The following TAF2 variants were observed in gnomAD, a reference collection of about 807,000 sequenced individuals.
TAF2 encodes TATA-box binding protein associated factor 2.
In TAF2, 61 loss-of-function variants were observed where a neutral mutation model predicts 138.5. That is an observed-to-expected ratio of 0.44 (90% CI 0.36 to 0.54). TAF2 has a LOEUF of 0.54. Among genes scored for constraint, TAF2 ranks in the 20% least tolerant of loss-of-function variants. The probability of loss-of-function intolerance (pLI) is 0.00; values close to 1 mark genes in which losing one functional copy is unlikely to be tolerated. For missense variants in TAF2, 1,090 were observed against 1,427.9 expected, an observed-to-expected ratio of 0.76 and a Z score of 3.81; for synonymous variants, 475 against 469.9, an observed-to-expected ratio of 1.01 and a Z score of -0.14.
At chr8:119,755,543 T>C (rs1012763619) in intron 22 of TAF2, among the ~76,000 whole-genome samples, 1 of 152,170 alleles carries the variant, frequency 6.6e-6, no homozygotes, top group East Asian at 1.9e-4. Flanking sequence ...GATATCATGA[T>C]CTCCACAGTA....
rs868675214 is a variant in TAF2, at chr8:119,788,518, G to A, written c.1684-71C>T. The stretch of plus-strand genomic sequence containing the variant: ...ACCAATATGTATGCTTATGTGTACA[G>A]AGAAATATAAATCAAGATATAAAAT... On this transcript the variant is annotated intron_variant, in intron 13 of 25. Coordinates refer to ENST00000378164, the MANE Select transcript of TAF2 (RefSeq NM_003184.4). 1.6e-5 allele frequency: 17 copies of A among 1,059,212 alleles called. No individual in the cohort carries two copies. In the South Asian group the frequency reaches 2.0e-4, roughly 12 times the overall value. The allele number at this position is 1,059,212 out of a possible 1,614,324, so 65.6% of individuals were successfully genotyped here.
chr8:119,770,197 C>T (rs1321047468), intron 18 of TAF2, among the ~76,000 whole-genome samples: 2 of 151,360 alleles, frequency 1.3e-5, no homozygotes, highest in Admixed American at 1.3e-4. Context: ...GGAAATAATT[C>T]AGGAAAATTT....
chr8:119,772,859 C>T (rs566314752), intron 18 of TAF2, among the ~76,000 whole-genome samples: 2 of 151,482 alleles, frequency 1.3e-5, no homozygotes, highest in East Asian at 3.9e-4. Flanking sequence ...ATCACTTGAA[C>T]CCAGGAGGTG....
chr8:119,821,030 G>GA (rs11451915), intron 2 of TAF2, among the ~76,000 whole-genome samples: 91,111 of 151,956 alleles, frequency 0.6, 27,579 homozygotes, highest in Middle Eastern at 0.76. Flanking sequence ...AAAGATTAAA[G>GA]AAGTACTGTC....
intron 20 of TAF2, among the ~76,000 whole-genome samples, 155 bp from the exon 21 acceptor site, chr8:119,758,297 T>C (rs1408004425): frequency 6.6e-6 from 1 of 152,230 alleles, no homozygotes; most frequent in Non-Finnish European, 1.5e-5. Flanking sequence ...CTTATATTTT[T>C]ATGCAATGGC....
At chr8:119,788,993 G>A in intron 12 of TAF2, 89 bp from the exon 13 acceptor site, 1 of 883,606 alleles carries the variant, frequency 1.1e-6, no homozygotes, top group East Asian at 2.5e-5. Context: ...TAATTTTCAA[G>A]TGCATTCCCA....
At chr8:119,788,485 T>TA (rs752227889) in intron 13 of TAF2, 38 bp from the exon 14 acceptor site, 10 of 1,481,814 alleles carry the variant, frequency 6.7e-6, no homozygotes, top group Admixed American at 1.7e-5. Context: ...AGATGTGATT[T>TA]AAAAAATACC....
chr8:119,806,811 A>T (rs1233173950), intron 3 of TAF2, among the ~76,000 whole-genome samples: 4 of 152,108 alleles, frequency 2.6e-5, no homozygotes, highest in African/African-American at 9.7e-5. Flanking sequence ...ATTATTTGTA[A>T]GCATTTTATC....
At chr8:119,808,354 G>C (rs544638566) in intron 3 of TAF2, among the ~76,000 whole-genome samples, 6 of 152,312 alleles carry the variant, frequency 3.9e-5, no homozygotes, top group African/African-American at 1.4e-4. Context: ...CAGCAATTCA[G>C]TCTTACCTTT....
chr8:119,733,905 G>A (rs1819047296), intron 25 of TAF2, among the ~76,000 whole-genome samples: 1 of 152,090 alleles, frequency 6.6e-6, no homozygotes, highest in South Asian at 2.1e-4. Flanking sequence ...AGGTTTCTCT[G>A]CCTGAAGTAT....
chr8:119,795,717 G>A (rs1388051554), intron 8 of TAF2, 86 bp from the exon 9 acceptor site: 2 of 1,196,038 alleles, frequency 1.7e-6, no homozygotes, highest in Non-Finnish European at 2.5e-6. Flanking sequence ...TAAGTGTAGT[G>A]TGTATTTCCC....
Position 119,785,128 on chromosome 8 carries a change from C to A in TAF2, c.1859+73G>T, listed in dbSNP as rs1222015403. The A allele has an allele frequency of 5.9e-6, 7 of 1,192,424 alleles. No individual in the cohort carries two copies. In the Admixed American group the frequency reaches 1.0e-4, roughly 18 times the overall value. The allele number at this position is 1,192,424 out of a possible 1,614,324, so 73.9% of individuals were successfully genotyped here. Reference sequence around the variant, plus strand: ...TTTGGAGGACAGTTATACACTTTTACGTACGCATAACAAAGTAGACAGATG... The same window carrying A: ...TTTGGAGGACAGTTATACACTTTTAAGTACGCATAACAAAGTAGACAGATG... On this transcript the variant is annotated intron_variant, in intron 15 of 25. Coordinates refer to ENST00000378164, the MANE Select transcript of TAF2 (RefSeq NM_003184.4).
intron 16 of TAF2, among the ~76,000 whole-genome samples, chr8:119,782,731 T>C (rs1407927150): frequency 6.6e-6 from 1 of 152,252 alleles, no homozygotes; most frequent in African/African-American, 2.4e-5. Context: ...TTGGTTTTCT[T>C]AATTAACTTT....
At chr8:119,750,975 T>C (rs567430583) in intron 22 of TAF2, among the ~76,000 whole-genome samples, 3 of 152,298 alleles carry the variant, frequency 2.0e-5, no homozygotes, top group South Asian at 2.1e-4. Flanking sequence ...GAGTCAAAGA[T>C]ACCATCTCCT....
chr8:119,777,911 C>A, intron 18 of TAF2, 108 bp downstream of exon 18: 1 of 644,396 alleles, frequency 1.6e-6, no homozygotes, highest in South Asian at 2.0e-5. Flanking sequence ...TTTTTATAGA[C>A]TAAATATTTA....
intron 2 of TAF2, 116 bp from the exon 3 acceptor site, chr8:119,819,622 CTACA>C: frequency 1.3e-6 from 1 of 786,196 alleles, no homozygotes; most frequent in Non-Finnish European, 2.2e-6. Context: ...TCCCTAATAG[CTACA>C]TACATACATA....
intron 2 of TAF2, among the ~76,000 whole-genome samples, chr8:119,826,452 A>G (rs187101369): frequency 6.6e-6 from 1 of 152,182 alleles, no homozygotes; most frequent in African/African-American, 2.4e-5. Flanking sequence ...TAAATTGCCC[A>G]GTTTCAGGTA....
intron 17 of TAF2, among the ~76,000 whole-genome samples, chr8:119,779,007 G>C (rs1822456829): frequency 6.6e-6 from 1 of 152,082 alleles, no homozygotes; most frequent in African/African-American, 2.4e-5. Flanking sequence ...GAGATAACAA[G>C]AGCAACAACA....
intron 25 of TAF2, among the ~76,000 whole-genome samples, chr8:119,734,491 G>A (rs1819088624): frequency 6.6e-6 from 1 of 152,086 alleles, no homozygotes; most frequent in Non-Finnish European, 1.5e-5. Flanking sequence ...TTCATAATCT[G>A]TCCTGAAGTT....
Sources: gnomAD v4.1 joint callset for allele counts (sites outside exome capture counted in the v4.1 genomes callset) on GRCh38, gnomAD v4.1.1 for gene constraint, MANE v1.5 for transcripts, NCBI Gene and HGNC (gene_info 2026-07-23, HGNC 2026-07-21) for gene names.